The following PCDH15 variants were observed in gnomAD, a reference collection of about 807,000 sequenced individuals.
PCDH15 encodes the protein protocadherin-15.
PCDH15 carries 129 observed loss-of-function variants against 178.5 expected under a neutral mutation model. The ratio of observed to expected loss-of-function variants is 0.72; its 90% CI spans 0.63 to 0.84. The LOEUF is 0.84. Ranked by LOEUF, PCDH15 falls within the 40% of genes least tolerant of loss-of-function variation. The pLI, the probability that PCDH15 is intolerant of heterozygous loss-of-function variation, is 0.00. For missense variants in PCDH15, 2,230 were observed against 2,099.9 expected, an observed-to-expected ratio of 1.06 and a Z score of -1.21; for synonymous variants, 800 against 732.0, an observed-to-expected ratio of 1.09 and a Z score of -1.50.
intron 2 of PCDH15, among the ~76,000 whole-genome samples, chr10:54,922,179 A>G (rs1837511110): frequency 6.6e-6 from 1 of 152,104 alleles, no homozygotes; most frequent in South Asian, 2.1e-4. Context: ...AATCATGACC[A>G]TGCCTTTTCA....
At chr10:54,227,700 T>C (rs1353868147) in intron 9 of PCDH15, among the ~76,000 whole-genome samples, 5 of 152,260 alleles carry the variant, frequency 3.3e-5, no homozygotes, top group Admixed American at 1.3e-4. Flanking sequence ...TGAACTTTTA[T>C]GCTCTGTTTC....
At chr10:54,540,576 T>C (rs563435046) in intron 2 of PCDH15, among the ~76,000 whole-genome samples, 224 of 152,114 alleles carry the variant, frequency 1.5e-3, no homozygotes, top group African/African-American at 5.2e-3. Context: ...TTCTACCAGA[T>C]GTACAAAGAA....
At chr10:53,839,990 CTG>C (rs1317800801) in intron 29 of PCDH15, among the ~76,000 whole-genome samples, 3 of 152,162 alleles carry the variant, frequency 2.0e-5, no homozygotes, top group Non-Finnish European at 4.4e-5. Context: ...CTTTAAGAAT[CTG>C]TGCTTTCCTC....
intron 21 of PCDH15, among the ~76,000 whole-genome samples, chr10:53,969,420 T>G (rs977593560): frequency 6.6e-6 from 1 of 152,184 alleles, no homozygotes; most frequent in African/African-American, 2.4e-5. Context: ...TGGAACCAAG[T>G]TGGAAAACAC....
intron 26 of PCDH15, among the ~76,000 whole-genome samples, chr10:53,885,398 T>TA (rs1472340212): frequency 1.4e-5 from 2 of 147,114 alleles, no homozygotes; most frequent in African/African-American, 5.4e-5. Flanking sequence ...AATATGCCTT[T>TA]TAAAAAAAAG....
chr10:53,814,361 G>C (rs1290434969), intron 35 of PCDH15, among the ~76,000 whole-genome samples: 1 of 152,130 alleles, frequency 6.6e-6, no homozygotes, highest in African/African-American at 2.4e-5. Context: ...TTGGATTTTA[G>C]AAGTCAGCAT....
At chr10:54,636,532 C>T (rs1470185095) in intron 2 of PCDH15, among the ~76,000 whole-genome samples, 3 of 151,916 alleles carry the variant, frequency 2.0e-5, no homozygotes, top group Non-Finnish European at 4.4e-5. Context: ...ATGATGTTGA[C>T]AAACCATGAA....
Position 54,051,043 on chromosome 10 carries a change from C to A in PCDH15, c.2220+15714G>T, listed in dbSNP as rs1191197527. Among the ~76,000 whole-genome samples, 3 of 152,294 alleles carry A rather than the reference C, an allele frequency of 2.0e-5. No individual in the cohort carries two copies. The South Asian group carries it at 6.2e-4, about 32-fold the overall frequency. Reference sequence around the variant, plus strand: ...AGGATGTGTGTGCTTCCCCTTCCACCATGATCGTAAGTTTCCTGAGGCTTC... The same window carrying A: ...AGGATGTGTGTGCTTCCCCTTCCACAATGATCGTAAGTTTCCTGAGGCTTC... On this transcript the variant is annotated intron_variant, in intron 18 of 37. Coordinates refer to ENST00000644397, the MANE Select transcript of PCDH15 (RefSeq NM_001384140.1).
intron 32 of PCDH15, among the ~76,000 whole-genome samples, chr10:53,825,627 C>T (rs1052113593): frequency 3.3e-5 from 5 of 151,500 alleles, no homozygotes; most frequent in East Asian, 2.0e-4. Context: ...AGTTATCATA[C>T]GAAGTTATTA....
At chr10:55,301,571 C>A (rs970684544) in intron 1 of PCDH15, among the ~76,000 whole-genome samples, 1 of 151,842 alleles carries the variant, frequency 6.6e-6, no homozygotes, top group African/African-American at 2.4e-5. Context: ...TTAACAGTAT[C>A]GTTTGTACAG....
chr10:54,509,021 G>A (rs976869226), intron 3 of PCDH15, among the ~76,000 whole-genome samples: 4 of 152,038 alleles, frequency 2.6e-5, no homozygotes, highest in South Asian at 2.1e-4. Context: ...ACATGAGGTC[G>A]TATGTTGAAT....
At chr10:55,611,420 T>C (rs1843362222) in intron 2 of PCDH15, among the ~76,000 whole-genome samples, 1 of 151,976 alleles carries the variant, frequency 6.6e-6, no homozygotes, top group Admixed American at 6.6e-5. Context: ...GTGTTCAATA[T>C]CACCATTGAT....
At chr10:55,430,639 T>C (rs1275539627) in intron 2 of PCDH15, among the ~76,000 whole-genome samples, 2 of 152,018 alleles carry the variant, frequency 1.3e-5, no homozygotes, top group Admixed American at 1.3e-4. Flanking sequence ...TTTTAGAAAA[T>C]AAAGTGTTCC....
At chr10:54,687,030 T>C (rs1284690406) in intron 1 of PCDH15, among the ~76,000 whole-genome samples, 1 of 152,122 alleles carries the variant, frequency 6.6e-6, no homozygotes, top group Non-Finnish European at 1.5e-5. Context: ...TTAAAAATGT[T>C]CAATGTCCCT....
chr10:54,647,170 G>T (rs2094147631), intron 2 of PCDH15, among the ~76,000 whole-genome samples: 2 of 152,170 alleles, frequency 1.3e-5, no homozygotes, highest in South Asian at 4.1e-4. Flanking sequence ...AGGGCGGAAA[G>T]AAAATCCTGC....
chr10:55,140,905 C>T (rs926682659), intron 2 of PCDH15, among the ~76,000 whole-genome samples: 1 of 151,924 alleles, frequency 6.6e-6, no homozygotes, highest in Non-Finnish European at 1.5e-5. Context: ...CCTTGTTATC[C>T]TTTTGATGTC....
chr10:54,070,191 A>C (rs1165817443), intron 17 of PCDH15, among the ~76,000 whole-genome samples: 1 of 152,068 alleles, frequency 6.6e-6, no homozygotes, highest in African/African-American at 2.4e-5. Context: ...ACAATGCAAG[A>C]TATTTCTGTT....
chr10:54,594,634 C>T (rs1174276503), intron 2 of PCDH15, among the ~76,000 whole-genome samples: 4 of 152,182 alleles, frequency 2.6e-5, no homozygotes, highest in Non-Finnish European at 5.9e-5. Context: ...GGCAGGCACT[C>T]GCTGCCAGCG....
At chr10:54,221,422 G>A (rs1427330432) in intron 9 of PCDH15, among the ~76,000 whole-genome samples, 1 of 151,796 alleles carries the variant, frequency 6.6e-6, no homozygotes, top group Non-Finnish European at 1.5e-5. Flanking sequence ...TTAATTACAC[G>A]TGTTGATCAA....
Sources: gnomAD v4.1 joint callset for allele counts (sites outside exome capture counted in the v4.1 genomes callset) on GRCh38, gnomAD v4.1.1 for gene constraint, MANE v1.5 for transcripts, NCBI Gene and HGNC (gene_info 2026-07-23, HGNC 2026-07-21) for gene names.